SLC30A5: variants seen among roughly 807,000 people sequenced by gnomAD.
SLC30A5 encodes solute carrier family 30 member 5.
A neutral mutation model predicts 79.6 loss-of-function variants in SLC30A5; 33 were observed. That is an observed-to-expected ratio of 0.41 (90% CI 0.31 to 0.55). SLC30A5 has a LOEUF of 0.55. Among genes scored for constraint, SLC30A5 ranks in the 20% least tolerant of loss-of-function variants. The pLI, the probability that SLC30A5 is intolerant of heterozygous loss-of-function variation, is 0.20. For synonymous variants in SLC30A5, 299 were observed against 319.7 expected, an observed-to-expected ratio of 0.94 and a Z score of 0.69; for missense variants, 788 against 928.1, an observed-to-expected ratio of 0.85 and a Z score of 1.96.
rs913067464 is a variant in SLC30A5, at chr5:69,116,705, T to C, written c.1281+103T>C. On this transcript the variant is annotated intron_variant, in intron 10 of 15. Coordinates refer to ENST00000396591, the MANE Select transcript of SLC30A5 (RefSeq NM_022902.5). This position sits in a 1 kb window ranked among gnomAD's most constrained non-coding sequence, Gnocchi z 4.0. ...ACTTCCCAAATTTCTGATAATAAGA[T>C]GAGCTAAAATTTAAATTTTTTCTAA... 1 of 726,994 alleles carries C rather than the reference T, an allele frequency of 1.4e-6. No individual in the cohort carries two copies. The highest frequency in any genetic ancestry group is 2.0e-6 in the Non-Finnish European group (1 of 492,884). The allele number at this position is 726,994 out of a possible 1,614,324, so 45.0% of individuals were successfully genotyped here.
Position 69,103,813 on chromosome 5 carries a change from G to A in SLC30A5, c.273+685G>A, listed in dbSNP as rs1580168947. 8.3e-6 allele frequency: 5 copies of A among 604,838 alleles called. No homozygotes were observed. The East Asian group carries it at 1.7e-4, about 21-fold the overall frequency. The allele number at this position is 604,838 out of a possible 1,614,324, so 37.5% of individuals were successfully genotyped here. ...GGGCAGCAGTTATACCATAGTACAT[G>A]TTTGCTTTATGCCATGACTTACAAA... is the stretch of plus-strand genomic sequence containing the variant. On this transcript the variant is annotated intron_variant, in intron 3 of 15. Transcript: ENST00000396591.
At chr5:69,097,544 T>G (rs1745782147) in intron 1 of SLC30A5, among the ~76,000 whole-genome samples, 1 of 152,214 alleles carries the variant, frequency 6.6e-6, no homozygotes, top group Non-Finnish European at 1.5e-5. Flanking sequence ...CATGGCTCAC[T>G]GCAATCTCAA....
chr5:69,105,615 G>A (rs760405549), intron 4 of SLC30A5, among the ~76,000 whole-genome samples: 2 of 151,838 alleles, frequency 1.3e-5, no homozygotes, highest in Admixed American at 1.3e-4. Context: ...CCGAGATCAC[G>A]CCACTGCACT....
At position 69,103,143 on chromosome 5, in the gene SLC30A5, G is replaced by C. The variant is rs1450105554; in HGVS notation, c.273+15G>C. 2.0e-6 allele frequency: 3 copies of C among 1,492,910 alleles called. No homozygotes were observed. The highest frequency in any genetic ancestry group is 2.8e-6 in the Non-Finnish European group (3 of 1,077,462). 92.5% of individuals were successfully genotyped at this position (1,492,910 alleles called of 1,614,324 possible). Reference sequence around the variant, plus strand: ...CCAAACACCAGGTAAGATTTTTGCAGAATCTTTTATTCCTAGCAGCTTCTC... The same window carrying C: ...CCAAACACCAGGTAAGATTTTTGCACAATCTTTTATTCCTAGCAGCTTCTC... On this transcript the variant is annotated intron_variant, in intron 3 of 15. Coordinates refer to ENST00000396591, the MANE Select transcript of SLC30A5 (RefSeq NM_022902.5).
At chr5:69,115,564 T>A (rs556897123) in intron 8 of SLC30A5, among the ~76,000 whole-genome samples, 157 bp downstream of exon 8, 3 of 152,306 alleles carry the variant, frequency 2.0e-5, no homozygotes, top group African/African-American at 4.8e-5. Context: ...TTAAAAAAAA[T>A]TTGGAGTTAA....
intron 15 of SLC30A5, among the ~76,000 whole-genome samples, chr5:69,129,027 C>T (rs1278319610): frequency 1.3e-5 from 2 of 152,102 alleles, no homozygotes; most frequent in Admixed American, 6.6e-5. Context: ...CAAGATCTCA[C>T]TATGTTGCCC....
intron 3 of SLC30A5, chr5:69,104,183 G>A (rs907998312): frequency 8.4e-6 from 9 of 1,076,808 alleles, no homozygotes; most frequent in Non-Finnish European, 2.5e-6. Context: ...CATCGCCCAG[G>A]CTGCAGTGCA....
intron 15 of SLC30A5, 93 bp from the exon 16 acceptor site, chr5:69,129,354 A>T: frequency 1.1e-6 from 1 of 880,546 alleles, no homozygotes; most frequent in Non-Finnish European, 1.7e-6. Context: ...GATTAAAGAT[A>T]CTCAACCCGT....
chr5:69,104,800 A>G (rs1746039446), intron 4 of SLC30A5, 84 bp downstream of exon 4: 2 of 1,371,482 alleles, frequency 1.5e-6, no homozygotes, highest in East Asian at 4.7e-5. Context: ...TTTACGTCAA[A>G]TATTTATCTG....
intron 4 of SLC30A5, among the ~76,000 whole-genome samples, chr5:69,105,768 G>C (rs1473785169): frequency 1.3e-5 from 2 of 152,154 alleles, no homozygotes; most frequent in African/African-American, 4.8e-5. Context: ...GGTGAGCCAC[G>C]GGGGAGCAAG....
At chr5:69,112,351 G>GA (rs1746257318) in intron 5 of SLC30A5, among the ~76,000 whole-genome samples, 1 of 151,862 alleles carries the variant, frequency 6.6e-6, no homozygotes, top group South Asian at 2.1e-4. Context: ...CTACCATTCT[G>GA]AAATATTTAC....
At chr5:69,118,690 A>G in intron 12 of SLC30A5, 62 bp downstream of exon 12, 1 of 1,415,636 alleles carries the variant, frequency 7.1e-7, no homozygotes, top group Non-Finnish European at 9.4e-7. Flanking sequence ...TTTCTATCCT[A>G]AAGTTTAATT....
At chr5:69,117,785 G>A (rs963219000) in intron 11 of SLC30A5, among the ~76,000 whole-genome samples, 19 of 151,810 alleles carry the variant, frequency 1.3e-4, no homozygotes, top group African/African-American at 4.6e-4. Context: ...GTTGAGGCAG[G>A]AGAATCGCTT....
intron 3 of SLC30A5, 57 bp from the exon 4 acceptor site, chr5:69,104,574 G>T (rs1746029928): frequency 2.1e-6 from 3 of 1,458,192 alleles, no homozygotes; most frequent in African/African-American, 1.5e-5. Context: ...TTAAAATTTG[G>T]ATATATAGCA....
At position 69,123,974 on chromosome 5, in the gene SLC30A5, G is replaced by A. The variant is rs370746350; in HGVS notation, c.1998+549G>A. 1.3e-4 allele frequency among the ~76,000 whole-genome samples: 19 copies of A among 151,924 alleles called. No individual in the cohort carries two copies. In the East Asian group the frequency reaches 2.7e-3, roughly 22 times the overall value. ...TAAAAATACAAAAAATTAGCCGGGCGTGGTGGCGGGCACCTGTAGTCCCAG... is the reference window on the plus strand; with the variant it reads ...TAAAAATACAAAAAATTAGCCGGGCATGGTGGCGGGCACCTGTAGTCCCAG... On this transcript the variant is annotated intron_variant, in intron 14 of 15. Coordinates refer to ENST00000396591, the MANE Select transcript of SLC30A5 (RefSeq NM_022902.5).
chr5:69,107,143 A>C (rs1554053000), intron 4 of SLC30A5, among the ~76,000 whole-genome samples: 1 of 152,174 alleles, frequency 6.6e-6, no homozygotes, highest in Non-Finnish European at 1.5e-5. Flanking sequence ...GATTACAGGC[A>C]TGAGCCACTG....
rs750387973 is a variant in SLC30A5 at position 69,100,843 on chromosome 5, A to G, written c.120A>G (p.Lys40=). ...ATATTGTGTTACTATGTTTCACTAA[A>G]TTTTTGAAGGCTGTGGGACTTTTCG... ...TKYIVLLCFT[K]FLKAVGLFES... The change falls in exon 2 of 16, where the codon AAA becomes AAG. Residue 40 remains lysine (K), a synonymous_variant. Coordinates refer to ENST00000396591, the MANE Select transcript of SLC30A5 (RefSeq NM_022902.5). The G allele has an allele frequency of 1.9e-5, 30 of 1,605,654 alleles. No individual in the cohort carries two copies. The Admixed American group carries it at 5.0e-4, about 27-fold the overall frequency.
chr5:69,121,947 C>A, intron 13 of SLC30A5, 52 bp downstream of exon 13: 1 of 1,420,364 alleles, frequency 7.0e-7, no homozygotes, highest in Non-Finnish European at 9.7e-7. Flanking sequence ...CTAAATCAAC[C>A]CTCTGTGTTT....
At chr5:69,123,596 A>C in intron 14 of SLC30A5, 171 bp downstream of exon 14, 1 of 581,166 alleles carries the variant, frequency 1.7e-6, no homozygotes, top group Non-Finnish European at 3.0e-6. Flanking sequence ...AATATGCAAG[A>C]TATAAATGAG....
Sources: allele counts gnomAD v4.1 joint callset (sites outside exome capture counted in the v4.1 genomes callset), GRCh38; gene constraint gnomAD v4.1.1; non-coding constraint Gnocchi (gnomAD v3.1); transcripts MANE v1.5; gene names NCBI Gene and HGNC (gene_info 2026-07-23, HGNC 2026-07-21).